The following CDK14 variants were observed in gnomAD, a reference collection of about 807,000 sequenced individuals.
CDK14 encodes the protein cyclin dependent kinase 14.
Under a neutral mutation model 60.7 loss-of-function variants are expected in CDK14, and 34 were observed. The ratio of observed to expected loss-of-function variants is 0.56; its 90% CI spans 0.43 to 0.75. CDK14 has a LOEUF of 0.75. Ranked by LOEUF, CDK14 falls within the 30% of genes least tolerant of loss-of-function variation. CDK14 has a pLI of 0.00. For synonymous variants in CDK14, 197 were observed against 203.7 expected (o/e 0.97, Z 0.28); for missense variants, 482 against 564.1 (o/e 0.85, Z 1.47).
intron 14 of CDK14, among the ~76,000 whole-genome samples, chr7:91,146,042 T>C (rs529596355): frequency 6.6e-6 from 1 of 152,274 alleles, no homozygotes; most frequent in South Asian, 2.1e-4. Context: ...TGGGAAGCTG[T>C]GCAGTTATCT....
At chr7:90,834,230 C>T (rs1489536732) in intron 5 of CDK14, among the ~76,000 whole-genome samples, 1 of 152,170 alleles carries the variant, frequency 6.6e-6, no homozygotes, top group Non-Finnish European at 1.5e-5. Flanking sequence ...TGTACAATTA[C>T]TACATTTTCC....
intron 12 of CDK14, among the ~76,000 whole-genome samples, chr7:91,087,136 C>A (rs920047000): frequency 6.6e-6 from 1 of 152,144 alleles, no homozygotes; most frequent in Non-Finnish European, 1.5e-5. Flanking sequence ...TCCACTGTTA[C>A]CCATTCCACC....
chr7:91,048,551 T>C (rs2116039642), intron 11 of CDK14, among the ~76,000 whole-genome samples: 1 of 152,326 alleles, frequency 6.6e-6, no homozygotes, highest in African/African-American at 2.4e-5. Context: ...AGCCAACAAG[T>C]ATAGACAATT....
intron 14 of CDK14, among the ~76,000 whole-genome samples, chr7:91,121,727 A>G (rs1034576984): frequency 6.6e-6 from 1 of 152,206 alleles, no homozygotes; most frequent in South Asian, 2.1e-4. Context: ...TGCTTCTTAC[A>G]TTTTGTTATC....
intron 2 of CDK14, among the ~76,000 whole-genome samples, chr7:90,619,120 G>A (rs140926314): frequency 3.9e-4 from 60 of 152,258 alleles, no homozygotes; most frequent in African/African-American, 1.4e-3. Context: ...TCTCAGACTG[G>A]TGGCGGTGAG....
chr7:91,057,380 C>G (rs562979734), intron 11 of CDK14, among the ~76,000 whole-genome samples: 1 of 152,058 alleles, frequency 6.6e-6, no homozygotes, highest in East Asian at 1.9e-4. Context: ...ATGGGAGTTT[C>G]TTTTGCTGTG....
intron 6 of CDK14, among the ~76,000 whole-genome samples, chr7:90,885,992 A>G (rs1436594830): frequency 2.0e-5 from 3 of 152,338 alleles, no homozygotes; most frequent in Admixed American, 6.5e-5. Flanking sequence ...CTATGCAACA[A>G]ACCTGCACAT....
intron 2 of CDK14, among the ~76,000 whole-genome samples, chr7:90,687,864 G>T (rs1801471101): frequency 6.6e-6 from 1 of 152,162 alleles, no homozygotes; most frequent in South Asian, 2.1e-4. Flanking sequence ...AAATAAAATT[G>T]TGGAATAGTG....
chr7:91,071,870 C>T (rs952980716), intron 11 of CDK14, among the ~76,000 whole-genome samples: 1 of 152,212 alleles, frequency 6.6e-6, no homozygotes, highest in East Asian at 1.9e-4. Context: ...AGGGATTCCC[C>T]ACAGCCCAAC....
At chr7:90,631,990 G>C (rs541110080) in intron 2 of CDK14, 13 of 152,038 alleles carry the variant, frequency 8.6e-5, no homozygotes, top group African/African-American at 2.9e-4. Flanking sequence ...GACCAAAAAT[G>C]CTTCTCAGAA....
At chr7:90,752,100 G>A (rs1167490371) in intron 4 of CDK14, among the ~76,000 whole-genome samples, 1 of 152,074 alleles carries the variant, frequency 6.6e-6, no homozygotes, top group Non-Finnish European at 1.5e-5. Context: ...CGCACTGACA[G>A]CATTAGACAG....
intron 1 of CDK14, among the ~76,000 whole-genome samples, chr7:90,599,535 A>AAAAAAACCTAAAT (rs1799269425): frequency 5.3e-5 from 8 of 152,222 alleles, no homozygotes; most frequent in Non-Finnish European, 1.0e-4. Flanking sequence ...CGGATAAAAC[A>AAAAAAACCTAAAT]CCTGAAAAAT....
At chr7:91,201,337 G>T (rs1802715871) in intron 14 of CDK14, among the ~76,000 whole-genome samples, 1 of 152,060 alleles carries the variant, frequency 6.6e-6, no homozygotes, top group Non-Finnish European at 1.5e-5. Context: ...GAAATGAGCG[G>T]ATTACCTCAC....
At chr7:91,142,102 G>A (rs1298931717) in intron 14 of CDK14, among the ~76,000 whole-genome samples, 1 of 152,148 alleles carries the variant, frequency 6.6e-6, no homozygotes, top group East Asian at 1.9e-4. Context: ...GGGGTTTACA[G>A]GCATGAACCA....
intron 14 of CDK14, among the ~76,000 whole-genome samples, chr7:91,197,868 G>A (rs1390185642): frequency 1.3e-5 from 2 of 152,226 alleles, no homozygotes; most frequent in African/African-American, 2.4e-5. Flanking sequence ...AATTTTGCAT[G>A]GAGTGCGTGT....
chr7:90,880,452 T>C (rs941709089), intron 6 of CDK14, among the ~76,000 whole-genome samples: 1 of 152,088 alleles, frequency 6.6e-6, no homozygotes, highest in Non-Finnish European at 1.5e-5. Flanking sequence ...CCTGAAACCC[T>C]AGGGGGAGGA....
intron 2 of CDK14, among the ~76,000 whole-genome samples, chr7:90,620,662 C>T (rs1044913245): frequency 6.6e-6 from 1 of 152,064 alleles, no homozygotes; most frequent in Non-Finnish European, 1.5e-5. Flanking sequence ...GAGCAGGCAC[C>T]ACCGTTTCAT....
intron 14 of CDK14, among the ~76,000 whole-genome samples, chr7:91,173,152 C>G (rs1379881602): frequency 8.0e-6 from 1 of 125,146 alleles, no homozygotes; most frequent in Admixed American, 8.9e-5. Flanking sequence ...AGGTTACATT[C>G]ACTTACTGGT....
chr7:90,939,847 A>G (rs1440376235), intron 8 of CDK14, among the ~76,000 whole-genome samples: 1 of 152,316 alleles, frequency 6.6e-6, no homozygotes, highest in East Asian at 1.9e-4. Flanking sequence ...ACTTGGTTGT[A>G]CTAGTGAGAA....
Sources: allele counts gnomAD v4.1 joint callset (sites outside exome capture counted in the v4.1 genomes callset), GRCh38; gene constraint gnomAD v4.1.1; transcripts MANE v1.5; gene names NCBI Gene and HGNC (gene_info 2026-07-23, HGNC 2026-07-21).